The following ASTN1 variants were observed in gnomAD, a reference collection of about 807,000 sequenced individuals.
The protein encoded by ASTN1 is astrotactin 1.
Under a neutral mutation model 140.7 loss-of-function variants are expected in ASTN1, and 41 were observed. The ratio of observed to expected loss-of-function variants is 0.29; its 90% CI spans 0.23 to 0.38. The LOEUF is 0.38. Ranked by LOEUF, ASTN1 falls within the 10% of genes least tolerant of loss-of-function variation. ASTN1 has a pLI of 1.00. For synonymous variants in ASTN1, 640 were observed against 652.2 expected, an observed-to-expected ratio of 0.98 and a Z score of 0.29; for missense variants, 1,479 against 1,678.8, an observed-to-expected ratio of 0.88 and a Z score of 2.08.
rs115608282 is a variant in ASTN1, at chr1:176,885,276, G to C, written c.3075-786C>G. On this transcript the variant is annotated intron_variant, in intron 18 of 22. Transcript: ENST00000361833. ...TTCATACTCTCCTTATTCTTTACAA[G>C]TTGTCCACATTTACCACTGTCTTGC... is the stretch of plus-strand genomic sequence containing the variant. Among the ~76,000 whole-genome samples the C allele has an allele frequency of 2.0e-3, 306 of 152,164 alleles. 2 individuals are homozygous for C. The highest frequency in any genetic ancestry group is 7.1e-3 in the African/African-American group (296 of 41,504).
rs1668032303 is a variant in ASTN1 at position 176,863,470 on chromosome 1, C to T, written c.*814G>A. ...GGTTTTTTTAAAAAACAATAAACTC[C>T]AAGTCTCCTCTTGAATGTGGACTGC... On this transcript the variant is annotated 3_prime_UTR_variant, in exon 23 of 23. Coordinates refer to ENST00000361833, the MANE Select transcript of ASTN1 (RefSeq NM_004319.3). The T allele has an allele frequency of 1.0e-6, 1 of 985,564 alleles. No homozygotes were observed. Among genetic ancestry groups the T allele is most frequent in the African/African-American group, 1.7e-5 (1 of 57,212 alleles). 61.1% of individuals were successfully genotyped at this position (985,564 alleles called of 1,614,324 possible). A position where few individuals can be genotyped will look rare whatever the true frequency, so the allele number is the denominator to read the frequency against.
At chr1:176,887,815 C>T (rs1028357) in intron 18 of ASTN1, among the ~76,000 whole-genome samples, 23 of 152,122 alleles carry the variant, frequency 1.5e-4, no homozygotes, top group Admixed American at 5.9e-4. Flanking sequence ...TCCACAGAGC[C>T]GTCACCATGG....
Position 176,926,235 on chromosome 1 carries a change from G to C in ASTN1, c.2671+7917C>G, listed in dbSNP as rs116647706. ...AGGGTAAGACTTAAATGATATGTATGTTTGAAGATTAAATGAAAAAGGCGA... is the reference window on the plus strand; with the variant it reads ...AGGGTAAGACTTAAATGATATGTATCTTTGAAGATTAAATGAAAAAGGCGA... On this transcript the variant is annotated intron_variant, in intron 16 of 22. Coordinates refer to ENST00000361833, the MANE Select transcript of ASTN1 (RefSeq NM_004319.3). Among the ~76,000 whole-genome samples the C allele has an allele frequency of 6.9e-3, 1,025 of 148,258 alleles. 14 individuals are homozygous for C. Among genetic ancestry groups the C allele is most frequent in the African/African-American group, 0.024 (962 of 40,124 alleles).
chr1:177,000,399 A>G (rs1461951254), intron 8 of ASTN1, among the ~76,000 whole-genome samples: 4 of 152,222 alleles, frequency 2.6e-5, no homozygotes, highest in African/African-American at 9.6e-5. Context: ...CATGCAAAAG[A>G]CAGCTAGTAG....
chr1:176,912,650 T>A (rs1670294516), intron 16 of ASTN1, among the ~76,000 whole-genome samples: 1 of 152,184 alleles, frequency 6.6e-6, no homozygotes, highest in African/African-American at 2.4e-5. Flanking sequence ...AGAACTTAGG[T>A]CATACAGATT....
intron 16 of ASTN1, among the ~76,000 whole-genome samples, chr1:176,912,393 C>T (rs1670285276): frequency 6.6e-6 from 1 of 152,074 alleles, no homozygotes. Flanking sequence ...GTTCATGGCA[C>T]ATAATATTGT....
intron 2 of ASTN1, among the ~76,000 whole-genome samples, chr1:177,038,154 C>G (rs1428174844): frequency 6.6e-6 from 1 of 152,198 alleles, no homozygotes; most frequent in Non-Finnish European, 1.5e-5. Flanking sequence ...ATCCTGGGTC[C>G]TGGGTCATAC....
At chr1:177,054,671 G>A (rs1195231110) in intron 2 of ASTN1, among the ~76,000 whole-genome samples, 1 of 152,208 alleles carries the variant, frequency 6.6e-6, no homozygotes, top group East Asian at 1.9e-4. Flanking sequence ...GAATAAGGGA[G>A]GAAGGCAGGA....
chr1:176,866,800 T>A (rs1408179968), intron 22 of ASTN1, among the ~76,000 whole-genome samples: 1 of 152,144 alleles, frequency 6.6e-6, no homozygotes, highest in Non-Finnish European at 1.5e-5. Flanking sequence ...TGAAATTGGG[T>A]TGTGGTGAAC....
At chr1:176,966,663 G>A (rs1244075600) in intron 8 of ASTN1, among the ~76,000 whole-genome samples, 1 of 151,982 alleles carries the variant, frequency 6.6e-6, no homozygotes, top group African/African-American at 2.4e-5. Flanking sequence ...GTATCAGTCT[G>A]TATTGCTCTC....
chr1:177,039,403 T>C (rs911505369), intron 2 of ASTN1, among the ~76,000 whole-genome samples: 8 of 152,198 alleles, frequency 5.3e-5, no homozygotes, highest in African/African-American at 1.9e-4. Flanking sequence ...ACTTATATGT[T>C]TTTCTGGATA....
chr1:177,042,722 G>A lies in ASTN1; in HGVS notation c.472-9873C>T, dbSNP rs117189752. Reference sequence around the variant, plus strand: ...AAAGTAACTTATCCAAGTTTACATAGTAGTATGAGGCCAAACTAATACTCA... The same window carrying A: ...AAAGTAACTTATCCAAGTTTACATAATAGTATGAGGCCAAACTAATACTCA... On this transcript the variant is annotated intron_variant, in intron 2 of 22. Transcript: ENST00000361833. 1.2e-3 allele frequency among the ~76,000 whole-genome samples: 189 copies of A among 152,276 alleles called. No individual in the cohort carries two copies. The East Asian group carries it at 0.032, about 26-fold the overall frequency.
intron 8 of ASTN1, among the ~76,000 whole-genome samples, chr1:176,992,092 T>C (rs774436303): frequency 4.8e-4 from 73 of 152,330 alleles, no homozygotes; most frequent in Admixed American, 1.3e-3. Flanking sequence ...TGACTGATAT[T>C]GCCATTTCTG....
At chr1:176,949,036 T>G (rs748571564) in intron 12 of ASTN1, 149 bp downstream of exon 12, 10 of 1,142,306 alleles carry the variant, frequency 8.8e-6, no homozygotes, top group African/African-American at 1.5e-5. Flanking sequence ...TTTAAAAATG[T>G]TCCCCCCCAA....
intron 8 of ASTN1, among the ~76,000 whole-genome samples, chr1:176,966,310 G>T (rs1246657325): frequency 6.6e-6 from 1 of 152,192 alleles, no homozygotes; most frequent in Non-Finnish European, 1.5e-5. Context: ...AGGGCATTTT[G>T]ATAAATGTAT....
At chr1:177,046,587 G>A (rs73047013) in intron 2 of ASTN1, among the ~76,000 whole-genome samples, 1,670 of 152,198 alleles carry the variant, frequency 0.011, 42 homozygotes, top group African/African-American at 0.038. Flanking sequence ...ACCATGCCTC[G>A]TGACACTCAA....
At chr1:176,997,387 G>T (rs1380922290) in intron 8 of ASTN1, among the ~76,000 whole-genome samples, 1 of 152,066 alleles carries the variant, frequency 6.6e-6, no homozygotes, top group Non-Finnish European at 1.5e-5. Flanking sequence ...CTTGTGTTCT[G>T]CTGGCTTGGT....
intron 8 of ASTN1, among the ~76,000 whole-genome samples, chr1:177,008,519 TAGGAAGAGGGAG>T (rs1370875172): frequency 2.8e-5 from 1 of 35,936 alleles, no homozygotes; most frequent in Non-Finnish European, 6.1e-5. Flanking sequence ...GAGCGGGAGA[TAGGAAGAGGGAG>T]AGGAAGAGAG....
chr1:176,966,269 G>C (rs1672879130), intron 8 of ASTN1, among the ~76,000 whole-genome samples: 1 of 152,104 alleles, frequency 6.6e-6, no homozygotes, highest in South Asian at 2.1e-4. Flanking sequence ...TTAATCTAGT[G>C]GTTTTCAATG....
Sources: gnomAD v4.1 joint callset for allele counts (sites outside exome capture counted in the v4.1 genomes callset) on GRCh38, gnomAD v4.1.1 for gene constraint, MANE v1.5 for transcripts, NCBI Gene and HGNC (gene_info 2026-07-23, HGNC 2026-07-21) for gene names.